Variants in TMEM74 observed in about 807,000 individuals in gnomAD.
The protein encoded by TMEM74 is transmembrane protein 74.
In TMEM74, 13 loss-of-function variants were observed where a neutral mutation model predicts 18.1. The observed-to-expected ratio is 0.72, with a 90% CI of 0.47 to 1.14. The LOEUF (loss-of-function observed/expected upper bound fraction) is 1.14, where lower values mean the gene tolerates loss of function less well. TMEM74 is among the 50% of genes most tolerant of loss of function. TMEM74 has a pLI of 0.00. For missense variants in TMEM74, 372 were observed against 375.9 expected (o/e 0.99, Z 0.09); for synonymous variants, 159 against 146.6 (o/e 1.08, Z -0.61).
chr8:108,711,445 A>G (rs557116952), intron 1 of TMEM74, among the ~76,000 whole-genome samples: 3 of 152,340 alleles, frequency 2.0e-5, no homozygotes, highest in Admixed American at 2.0e-4. Context: ...GTGCCACCTC[A>G]GTTCCTTCTT....
chr8:108,738,126 T>G (rs1300639608), intron 1 of TMEM74, among the ~76,000 whole-genome samples: 5 of 152,194 alleles, frequency 3.3e-5, no homozygotes, highest in Non-Finnish European at 5.9e-5. Flanking sequence ...CCCACCATTC[T>G]TTTCAATATG....
At chr8:108,610,680 G>T (rs937310294) in intron 2 of TMEM74, among the ~76,000 whole-genome samples, 3 of 152,174 alleles carry the variant, frequency 2.0e-5, no homozygotes, top group Non-Finnish European at 4.4e-5. Context: ...AGTTGGAAAG[G>T]ACTTGAAGTA....
chr8:108,670,034 TGAAAA>T (rs1812987763), intron 1 of TMEM74, among the ~76,000 whole-genome samples: 3 of 113,942 alleles, frequency 2.6e-5, no homozygotes, highest in Non-Finnish European at 5.2e-5. Flanking sequence ...TAAGATTCTG[TGAAAA>T]AAAAAAAAAA....
intron 2 of TMEM74, among the ~76,000 whole-genome samples, chr8:108,639,312 C>G (rs1812638912): frequency 6.6e-6 from 1 of 152,116 alleles, no homozygotes; most frequent in African/African-American, 2.4e-5. Context: ...GTATCTTGCT[C>G]AAGGTTTTGC....
At chr8:108,724,592 CATT>C (rs1240714155) in intron 1 of TMEM74, among the ~76,000 whole-genome samples, 1 of 152,040 alleles carries the variant, frequency 6.6e-6, no homozygotes, top group Non-Finnish European at 1.5e-5. Flanking sequence ...AAAAGTGATT[CATT>C]ATTATGTTCA....
intron 2 of TMEM74, among the ~76,000 whole-genome samples, chr8:108,636,320 T>C (rs1812606336): frequency 6.6e-6 from 1 of 152,068 alleles, no homozygotes; most frequent in South Asian, 2.1e-4. Flanking sequence ...CCTTAGTTTG[T>C]TCTCCCTCAG....
intron 1 of TMEM74, among the ~76,000 whole-genome samples, chr8:108,685,530 A>G (rs76925074): frequency 0.029 from 4,472 of 152,290 alleles, 120 homozygotes; most frequent in African/African-American, 0.066. Context: ...TTAATAAAAG[A>G]AAAAGGAAAA....
At chr8:108,765,284 A>G (rs1192540014) in intron 1 of TMEM74, among the ~76,000 whole-genome samples, 2 of 151,990 alleles carry the variant, frequency 1.3e-5, no homozygotes, top group African/African-American at 4.8e-5. Flanking sequence ...ACTGTCAGTG[A>G]TACTGGAATT....
intron 1 of TMEM74, among the ~76,000 whole-genome samples, chr8:108,672,975 T>C (rs578167209): frequency 1.3e-4 from 20 of 152,272 alleles, no homozygotes; most frequent in African/African-American, 4.3e-4. Context: ...CAAACACAGA[T>C]AGTTTTGACA....
intron 2 of TMEM74, among the ~76,000 whole-genome samples, chr8:108,644,903 A>G (rs994333007): frequency 2.0e-5 from 3 of 152,158 alleles, no homozygotes; most frequent in African/African-American, 7.2e-5. Flanking sequence ...ATTATTAGTG[A>G]GAGTGTAAAT....
At chr8:108,621,454 A>G (rs2130543292) in intron 2 of TMEM74, among the ~76,000 whole-genome samples, 1 of 152,282 alleles carries the variant, frequency 6.6e-6, no homozygotes, top group Non-Finnish European at 1.5e-5. Context: ...CCCTCGGGCA[A>G]GGTCTAGAGA....
At chr8:108,763,702 T>C (rs920445553) in intron 1 of TMEM74, among the ~76,000 whole-genome samples, 38 of 152,158 alleles carry the variant, frequency 2.5e-4, no homozygotes, top group African/African-American at 8.7e-4. Flanking sequence ...GATCTAATTA[T>C]TTTACTGGTA....
In TMEM74 at chr8:108,757,720, T is replaced by C. The variant is rs532868329; in HGVS notation, n.119+29756A>G. On this transcript the variant is annotated intron_variant and non_coding_transcript_variant, in intron 1 of 3. Transcript: ENST00000518838. ...AGAGAAAATGAGCTTAATGACACCA[T>C]AATTAATAATGCATTTATGTGCTAA... 8.5e-5 allele frequency among the ~76,000 whole-genome samples: 13 copies of C among 152,156 alleles called. 1 individual carries two copies. The South Asian group carries it at 2.7e-3, about 32-fold the overall frequency.
At chr8:108,643,075 T>A (rs137991428) in intron 2 of TMEM74, among the ~76,000 whole-genome samples, 2 of 152,338 alleles carry the variant, frequency 1.3e-5, no homozygotes, top group Non-Finnish European at 2.9e-5. Flanking sequence ...CCTGCTGTTA[T>A]GAAATTTGCA....
chr8:108,669,009 T>C (rs143319284), intron 1 of TMEM74, among the ~76,000 whole-genome samples: 1 of 152,160 alleles, frequency 6.6e-6, no homozygotes, highest in African/African-American at 2.4e-5. Flanking sequence ...GTGCTGCACT[T>C]GGGCACAGAA....
intron 2 of TMEM74, among the ~76,000 whole-genome samples, chr8:108,647,935 A>G (rs1812736372): frequency 6.6e-6 from 1 of 152,168 alleles, no homozygotes; most frequent in African/African-American, 2.4e-5. Context: ...AAGCTATAAT[A>G]AGAAAGGGGT....
At chr8:108,651,549 G>A (rs1812774411) in intron 2 of TMEM74, among the ~76,000 whole-genome samples, 1 of 152,054 alleles carries the variant, frequency 6.6e-6, no homozygotes. Flanking sequence ...GACAAAATGA[G>A]ATTTTAAAAA....
intron 1 of TMEM74, among the ~76,000 whole-genome samples, chr8:108,718,665 G>T (rs1024341834): frequency 7.9e-5 from 12 of 152,152 alleles, no homozygotes; most frequent in African/African-American, 1.9e-4. Flanking sequence ...GAGGTGCTCT[G>T]TGTAAAGATT....
At chr8:108,728,775 A>G (rs1813665398) in intron 1 of TMEM74, among the ~76,000 whole-genome samples, 1 of 152,238 alleles carries the variant, frequency 6.6e-6, no homozygotes, top group Admixed American at 6.5e-5. Context: ...GTTATAATTC[A>G]CAGGCCATTC....
Sources: allele counts gnomAD v4.1 joint callset (sites outside exome capture counted in the v4.1 genomes callset), GRCh38; gene constraint gnomAD v4.1.1; transcripts MANE v1.5; gene names NCBI Gene and HGNC (gene_info 2026-07-23, HGNC 2026-07-21).